MEIS1: variants seen among roughly 807,000 people sequenced by gnomAD.
MEIS1 encodes homeobox protein Meis1.
A neutral mutation model predicts 50.8 loss-of-function variants in MEIS1; 5 were observed. That is an observed-to-expected ratio of 0.10 (90% CI 0.05 to 0.21). The LOEUF is 0.21. MEIS1 is among the 10% of genes least tolerant of loss of function. The pLI is 1.00. For synonymous variants in MEIS1, 176 were observed against 179.3 expected (o/e 0.98, Z 0.15); for missense variants, 318 against 517.3 (o/e 0.61, Z 3.74).
At position 66,568,552 on chromosome 2, in the gene MEIS1, C is replaced by G. The variant is rs540223510; in HGVS notation, c.1025-115C>G. Reference sequence around the variant, plus strand: ...CACTTTGAATGTTTAAAAAATTATACTAGCCTGCTATGTTCTGTCTCTTTC... The same window carrying G: ...CACTTTGAATGTTTAAAAAATTATAGTAGCCTGCTATGTTCTGTCTCTTTC... On this transcript the variant is annotated intron_variant, in intron 10 of 12. Transcript: ENST00000272369. 35 of 760,412 alleles carry G rather than the reference C, an allele frequency of 4.6e-5. No individual in the cohort carries two copies. In the East Asian group the frequency reaches 9.3e-4, roughly 20 times the overall value. 47.1% of individuals were successfully genotyped at this position (760,412 alleles called of 1,614,324 possible). A position where few individuals can be genotyped will look rare whatever the true frequency, so the allele number is the denominator to read the frequency against.
chr2:66,497,349 C>T (rs1332215866), intron 7 of MEIS1, among the ~76,000 whole-genome samples: 1 of 152,110 alleles, frequency 6.6e-6, no homozygotes, highest in Non-Finnish European at 1.5e-5. Context: ...AAATGAGATA[C>T]TTCAGAAAAG....
chr2:66,451,542 TC>T, intron 6 of MEIS1, among the ~76,000 whole-genome samples: 1 of 152,220 alleles, frequency 6.6e-6, no homozygotes, highest in South Asian at 2.1e-4. Flanking sequence ...AATAAGAATT[TC>T]TTTGACAATA....
At chr2:66,456,058 C>A (rs1672379648) in intron 6 of MEIS1, among the ~76,000 whole-genome samples, 2 of 152,116 alleles carry the variant, frequency 1.3e-5, no homozygotes, top group Non-Finnish European at 2.9e-5. Flanking sequence ...CACAAAAATT[C>A]TTTTCCTCCT....
At chr2:66,493,372 C>A (rs1339638828) in intron 7 of MEIS1, among the ~76,000 whole-genome samples, 3 of 152,104 alleles carry the variant, frequency 2.0e-5, no homozygotes, top group East Asian at 1.9e-4. Flanking sequence ...TAACATGAAG[C>A]CTTGCTAGCT....
intron 6 of MEIS1, among the ~76,000 whole-genome samples, chr2:66,450,756 T>C (rs562119507): frequency 6.6e-6 from 1 of 152,310 alleles, no homozygotes; most frequent in East Asian, 1.9e-4. Context: ...CCTGGCCACA[T>C]AAGCTAGCTT....
At chr2:66,473,340 T>G (rs1672807988) in intron 7 of MEIS1, among the ~76,000 whole-genome samples, 1 of 137,336 alleles carries the variant, frequency 7.3e-6, no homozygotes, top group Non-Finnish European at 1.5e-5. Flanking sequence ...ATTGTGCCAT[T>G]GCACTCCAGC....
At position 66,468,631 on chromosome 2, in the gene MEIS1, C is replaced by T. The variant is rs75850192; in HGVS notation, c.742+4411C>T. On this transcript the variant is annotated intron_variant, in intron 7 of 12. Transcript: ENST00000272369. ...CTGACTCTAGAGCCCAAGCTCCTAACTATGACATCCTATTTGATACACTGT... is the reference window on the plus strand; with the variant it reads ...CTGACTCTAGAGCCCAAGCTCCTAATTATGACATCCTATTTGATACACTGT... Among the ~76,000 whole-genome samples the T allele has an allele frequency of 3.9e-3, 591 of 152,296 alleles. 6 individuals carry two copies. Among genetic ancestry groups the T allele is most frequent in the African/African-American group, 0.013 (548 of 41,554 alleles).
At chr2:66,442,657 G>A (rs774569979) in intron 5 of MEIS1, 20 of 413,750 alleles carry the variant, frequency 4.8e-5, no homozygotes, top group Admixed American at 1.8e-4. Flanking sequence ...AATTTAACAC[G>A]GGTGTTGAAT....
Position 66,437,798 on chromosome 2 carries a change from G to C in MEIS1, c.74G>C (p.Gly25Ala). 2 of 1,613,858 alleles carry C rather than the reference G, an allele frequency of 1.2e-6. No homozygotes were observed. Among genetic ancestry groups the C allele is most frequent in the Non-Finnish European group, 1.7e-6 (2 of 1,179,884 alleles). ...GTAGGCATCCCCTCCACGATGTATGGGGACCCGCATGCAGCCAGGTCCATG... is the reference window on the plus strand; with the variant it reads ...GTAGGCATCCCCTCCACGATGTATGCGGACCCGCATGCAGCCAGGTCCATG... ...DGVGIPSTMY[G>A]DPHAARSMQP... is the part of the protein sequence containing the mutation. Residue 25 changes from glycine to alanine, a missense_variant, in exon 2 of 13, where the codon GGG becomes GCG. Around this residue, in one of 6 missense-constraint regions of MEIS1, gnomAD observed 100 missense variants for 107.1 expected, o/e 0.93. Transcript: ENST00000272369.
At chr2:66,525,718 T>C (rs1429340113) in intron 8 of MEIS1, among the ~76,000 whole-genome samples, 1 of 152,236 alleles carries the variant, frequency 6.6e-6, no homozygotes, top group Admixed American at 6.5e-5. Context: ...AGTACACTTG[T>C]GTGTTCGGGT....
intron 8 of MEIS1, 76 bp downstream of exon 8, chr2:66,512,370 A>T: frequency 6.8e-7 from 1 of 1,463,112 alleles, no homozygotes; most frequent in South Asian, 1.4e-5. Context: ...AATGAGAAAA[A>T]AGTGATCCCT....
At chr2:66,557,961 T>C (rs1191457975) in intron 9 of MEIS1, among the ~76,000 whole-genome samples, 3 of 152,034 alleles carry the variant, frequency 2.0e-5, no homozygotes, top group Non-Finnish European at 4.4e-5. Context: ...GTTTTGACTG[T>C]GATAATTACG....
chr2:66,537,521 A>G (rs1313549088), intron 8 of MEIS1, among the ~76,000 whole-genome samples: 1 of 152,156 alleles, frequency 6.6e-6, no homozygotes, highest in Non-Finnish European at 1.5e-5. Context: ...TGGGAGCAGC[A>G]CGAATTCTCC....
chr2:66,441,508 C>T (rs185401989), intron 5 of MEIS1, 44 bp downstream of exon 5: 3 of 1,466,252 alleles, frequency 2.0e-6, no homozygotes, highest in Middle Eastern at 1.8e-4. Flanking sequence ...CCCTTACCCC[C>T]AAACACACAG....
intron 1 of MEIS1, chr2:66,436,872 G>GTTTT (rs5831809): frequency 6.7e-4 from 600 of 889,200 alleles, no homozygotes; most frequent in African/African-American, 1.7e-3. Flanking sequence ...TATGAAAGTA[G>GTTTT]TTTTTTTTTT....
intron 8 of MEIS1, among the ~76,000 whole-genome samples, chr2:66,546,202 G>C (rs1674787674): frequency 6.6e-6 from 1 of 152,198 alleles, no homozygotes; most frequent in Non-Finnish European, 1.5e-5. Flanking sequence ...GTGCTGGGAG[G>C]TGGGGAGGGT....
chr2:66,515,048 C>CA (rs1673931140), intron 8 of MEIS1, among the ~76,000 whole-genome samples: 2 of 152,082 alleles, frequency 1.3e-5, no homozygotes, highest in South Asian at 4.1e-4. Context: ...CAGGGATGCA[C>CA]AATTCATTAG....
At chr2:66,455,476 T>G (rs1239898618) in intron 6 of MEIS1, among the ~76,000 whole-genome samples, 1 of 152,214 alleles carries the variant, frequency 6.6e-6, no homozygotes, top group Non-Finnish European at 1.5e-5. Flanking sequence ...TTCTGAGTGT[T>G]GTTTTACATC....
chr2:66,513,197 A>G (rs148868263), intron 8 of MEIS1, among the ~76,000 whole-genome samples: 1 of 152,328 alleles, frequency 6.6e-6, no homozygotes, highest in East Asian at 1.9e-4. Context: ...GAGACAAAGG[A>G]TGAATTTAGA....
Sources: gnomAD v4.1 joint callset for allele counts (sites outside exome capture counted in the v4.1 genomes callset) on GRCh38, gnomAD v4.1.1 for gene constraint, gnomAD v4.1.1 regional missense constraint, MANE v1.5 for transcripts, NCBI Gene and HGNC (gene_info 2026-07-23, HGNC 2026-07-21) for gene names.